Variants in SEMA5A observed in about 807,000 individuals in gnomAD.
SEMA5A encodes the protein semaphorin-5A.
In SEMA5A, 55 loss-of-function variants were observed where a neutral mutation model predicts 135.5. The ratio of observed to expected loss-of-function variants is 0.41; its 90% CI spans 0.33 to 0.51. The LOEUF (loss-of-function observed/expected upper bound fraction) is 0.51, where lower values mean the gene tolerates loss of function less well. SEMA5A is among the 20% of genes least tolerant of loss of function. SEMA5A has a pLI of 0.37. For missense variants in SEMA5A, 1,290 were observed against 1,419.9 expected (o/e 0.91, Z 1.47); for synonymous variants, 580 against 546.5 (o/e 1.06, Z -0.85).
At chr5:9,206,645 T>A (rs1027271108) in intron 8 of SEMA5A, among the ~76,000 whole-genome samples, 2 of 151,984 alleles carry the variant, frequency 1.3e-5, no homozygotes, top group African/African-American at 4.8e-5. Context: ...TATAAAAATA[T>A]TTGTACACAA....
At chr5:9,138,433 T>G (rs1414622486) in intron 12 of SEMA5A, among the ~76,000 whole-genome samples, 4 of 152,224 alleles carry the variant, frequency 2.6e-5, no homozygotes, top group African/African-American at 9.6e-5. Flanking sequence ...ACAAATGTGA[T>G]TGTGCACGCG....
Position 9,202,254 on chromosome 5 carries a change from A to G in SEMA5A, c.647-14T>C. 6.2e-7 allele frequency: 1 copy of G among 1,607,104 alleles called. No homozygotes were observed. Among genetic ancestry groups the G allele is most frequent in the Non-Finnish European group, 8.5e-7 (1 of 1,175,580 alleles). ...CAAAGTTTGGCTCTGGAAACAATAG[A>G]AAAGAGGGAAAAAATCTCAACATTC... On this transcript the variant is annotated splice_polypyrimidine_tract_variant and intron_variant, in intron 8 of 22. Coordinates refer to ENST00000382496, the MANE Select transcript of SEMA5A (RefSeq NM_003966.3).
intron 13 of SEMA5A, 114 bp from the exon 14 acceptor site, chr5:9,122,951 G>C: frequency 9.8e-7 from 1 of 1,016,166 alleles, no homozygotes. Context: ...ATTTGTTGTT[G>C]TTGTTGCTGC....
chr5:9,399,052 C>G (rs1756531438), intron 2 of SEMA5A, among the ~76,000 whole-genome samples: 1 of 152,204 alleles, frequency 6.6e-6, no homozygotes, highest in Non-Finnish European at 1.5e-5. Flanking sequence ...AGTTACCTCT[C>G]TATAAAAAAT....
At chr5:9,415,132 C>T (rs1439012450) in intron 2 of SEMA5A, among the ~76,000 whole-genome samples, 2 of 152,172 alleles carry the variant, frequency 1.3e-5, no homozygotes, top group Non-Finnish European at 1.5e-5. Flanking sequence ...CAAAAAGTTG[C>T]ATTTTTCAGT....
At chr5:9,049,001 C>A (rs1488539220) in intron 21 of SEMA5A, among the ~76,000 whole-genome samples, 1 of 152,014 alleles carries the variant, frequency 6.6e-6, no homozygotes, top group Non-Finnish European at 1.5e-5. Context: ...GCTGGGACTG[C>A]GTGGGTGCCC....
chr5:9,063,553 C>A (rs1737298292), intron 17 of SEMA5A, among the ~76,000 whole-genome samples: 1 of 152,172 alleles, frequency 6.6e-6, no homozygotes, highest in African/African-American at 2.4e-5. Flanking sequence ...TAAACCTATT[C>A]TTTCAGCTGT....
chr5:9,482,432 A>G (rs1235708516), intron 1 of SEMA5A, among the ~76,000 whole-genome samples: 3 of 152,194 alleles, frequency 2.0e-5, no homozygotes, highest in African/African-American at 4.8e-5. Flanking sequence ...GACATTACCT[A>G]GAGTGAGCAT....
chr5:9,533,957 G>C (rs77463365), intron 1 of SEMA5A, among the ~76,000 whole-genome samples: 1 of 152,144 alleles, frequency 6.6e-6, no homozygotes, highest in Non-Finnish European at 1.5e-5. Flanking sequence ...AGAAGTCAAA[G>C]TCAACCCCAA....
At chr5:9,508,178 C>G (rs1736008465) in intron 1 of SEMA5A, among the ~76,000 whole-genome samples, 1 of 152,032 alleles carries the variant, frequency 6.6e-6, no homozygotes, top group South Asian at 2.1e-4. Flanking sequence ...CACAAACAAC[C>G]ACAGCATATG....
intron 2 of SEMA5A, among the ~76,000 whole-genome samples, chr5:9,412,706 G>A (rs1448591772): frequency 2.0e-5 from 3 of 150,272 alleles, no homozygotes; most frequent in South Asian, 4.2e-4. Context: ...CACCTTATAC[G>A]CATAGCCTGA....
intron 9 of SEMA5A, among the ~76,000 whole-genome samples, chr5:9,200,047 T>A (rs1411803615): frequency 6.6e-6 from 1 of 152,166 alleles, no homozygotes; most frequent in East Asian, 1.9e-4. Flanking sequence ...ATCCTCCTTT[T>A]CTTTCCGTTT....
At chr5:9,211,504 C>T (rs1746343157) in intron 8 of SEMA5A, among the ~76,000 whole-genome samples, 1 of 152,162 alleles carries the variant, frequency 6.6e-6, no homozygotes, top group African/African-American at 2.4e-5. Flanking sequence ...CCTCCAGGTA[C>T]TGTGCTGTGC....
At chr5:9,317,280 A>G (rs1046920969) in intron 5 of SEMA5A, among the ~76,000 whole-genome samples, 2 of 152,314 alleles carry the variant, frequency 1.3e-5, no homozygotes, top group South Asian at 4.1e-4. Flanking sequence ...CAAGAATAAT[A>G]GAAAATTCTT....
chr5:9,071,726 A>G (rs889623726), intron 16 of SEMA5A, among the ~76,000 whole-genome samples: 2 of 152,188 alleles, frequency 1.3e-5, no homozygotes, highest in Non-Finnish European at 2.9e-5. Context: ...AAGCCCAAAA[A>G]TTACCCTTCA....
chr5:9,294,624 C>G (rs1444451694), intron 5 of SEMA5A, among the ~76,000 whole-genome samples: 1 of 152,162 alleles, frequency 6.6e-6, no homozygotes, highest in African/African-American at 2.4e-5. Flanking sequence ...CTTAACCACT[C>G]AGAATCCAAA....
At chr5:9,165,220 C>A (rs916823401) in intron 11 of SEMA5A, among the ~76,000 whole-genome samples, 2 of 151,218 alleles carry the variant, frequency 1.3e-5, no homozygotes, top group South Asian at 2.1e-4. Context: ...CTCTAAGGTG[C>A]AATAAAAAAC....
chr5:9,147,793 C>T (rs1186518232), intron 12 of SEMA5A, among the ~76,000 whole-genome samples: 1 of 150,644 alleles, frequency 6.6e-6, no homozygotes, highest in Non-Finnish European at 1.5e-5. Context: ...TATGATATTG[C>T]CACATTTTTC....
At chr5:9,310,853 A>AAT (rs928866600) in intron 5 of SEMA5A, among the ~76,000 whole-genome samples, 8 of 149,414 alleles carry the variant, frequency 5.4e-5, no homozygotes, top group African/African-American at 1.5e-4. Flanking sequence ...ATATACACAC[A>AAT]ATATATATAT....
Sources: gnomAD v4.1 joint callset for allele counts (sites outside exome capture counted in the v4.1 genomes callset) on GRCh38, gnomAD v4.1.1 for gene constraint, MANE v1.5 for transcripts, NCBI Gene and HGNC (gene_info 2026-07-23, HGNC 2026-07-21) for gene names.